Variants in FOXP1 observed in about 807,000 individuals in gnomAD.
FOXP1 encodes the protein forkhead box P1, also known as forkhead box protein P1.
FOXP1 carries 15 observed loss-of-function variants against 98.2 expected under a neutral mutation model. That is an observed-to-expected ratio of 0.15 (90% CI 0.10 to 0.24). The LOEUF (loss-of-function observed/expected upper bound fraction) is 0.24. Among genes scored for constraint, FOXP1 ranks in the 10% least tolerant of loss-of-function variants. The probability of loss-of-function intolerance (pLI) is 1.00; values close to 1 mark genes in which losing one functional copy is unlikely to be tolerated. For missense variants in FOXP1, 633 were observed against 848.5 expected (o/e 0.75, Z 3.15); for synonymous variants, 371 against 314.5 (o/e 1.18, Z -1.90).
At chr3:71,425,564 T>A (rs1211428899) in intron 3 of FOXP1, among the ~76,000 whole-genome samples, 1 of 152,084 alleles carries the variant, frequency 6.6e-6, no homozygotes, top group Non-Finnish European at 1.5e-5. Flanking sequence ...TCTCCTCAGC[T>A]CCTGGCAGAG....
At chr3:71,187,727 C>T (rs2062733455) in intron 6 of FOXP1, among the ~76,000 whole-genome samples, 1 of 152,086 alleles carries the variant, frequency 6.6e-6, no homozygotes, top group Admixed American at 6.5e-5. Context: ...AAAATACACA[C>T]TGTAAATGCA....
chr3:71,438,743 A>G (rs1230858880), intron 3 of FOXP1, among the ~76,000 whole-genome samples: 20 of 134,282 alleles, frequency 1.5e-4, no homozygotes, highest in South Asian at 4.4e-4. Context: ...TAATTTGGAG[A>G]AAAAAAAAAA....
intron 5 of FOXP1, among the ~76,000 whole-genome samples, chr3:71,228,966 T>C (rs1327401532): frequency 2.5e-5 from 1 of 39,252 alleles, no homozygotes; most frequent in Non-Finnish European, 4.6e-5. Context: ...TACTGTTGGT[T>C]GTTTTTTTTT....
At chr3:71,249,928 T>C (rs2068049642) in intron 5 of FOXP1, among the ~76,000 whole-genome samples, 2 of 152,204 alleles carry the variant, frequency 1.3e-5, no homozygotes, top group South Asian at 4.1e-4. Flanking sequence ...AACAAGTCTT[T>C]TCTGAACGTA....
At chr3:71,346,845 A>C (rs2077395737) in intron 4 of FOXP1, among the ~76,000 whole-genome samples, 1 of 152,158 alleles carries the variant, frequency 6.6e-6, no homozygotes, top group Admixed American at 6.5e-5. Context: ...AGAGATAGAG[A>C]CTATCCTGGC....
At chr3:71,050,865 G>C (rs2049792800) in intron 9 of FOXP1, among the ~76,000 whole-genome samples, 1 of 152,206 alleles carries the variant, frequency 6.6e-6, no homozygotes, top group African/African-American at 2.4e-5. Flanking sequence ...ATTAATTAGA[G>C]AGTTGTGACT....
intron 7 of FOXP1, among the ~76,000 whole-genome samples, chr3:71,089,974 AT>A (rs1180907395): frequency 6.6e-6 from 1 of 152,070 alleles, no homozygotes; most frequent in South Asian, 2.1e-4. Context: ...TGAACTTCTG[AT>A]TTTTTTCTTT....
intron 4 of FOXP1, among the ~76,000 whole-genome samples, chr3:71,352,568 T>A (rs2077869753): frequency 6.7e-6 from 1 of 149,562 alleles, no homozygotes; most frequent in African/African-American, 2.5e-5. Context: ...GGGCTCTGGG[T>A]GAGTCATTTA....
chr3:71,375,228 GGTAAA>G (rs2079629210), intron 3 of FOXP1, among the ~76,000 whole-genome samples: 1 of 152,130 alleles, frequency 6.6e-6, no homozygotes, highest in African/African-American at 2.4e-5. Context: ...ATATCTATAT[GGTAAA>G]GTAGAGAACT....
intron 5 of FOXP1, among the ~76,000 whole-genome samples, chr3:71,286,079 C>T (rs1252384342): frequency 6.6e-6 from 1 of 152,168 alleles, no homozygotes; most frequent in Non-Finnish European, 1.5e-5. Context: ...AACCGTATGT[C>T]CCAGCACTGT....
intron 6 of FOXP1, among the ~76,000 whole-genome samples, chr3:71,154,793 C>T (rs2060740629): frequency 6.6e-6 from 1 of 152,184 alleles, no homozygotes; most frequent in African/African-American, 2.4e-5. Flanking sequence ...CCTGGTTCCC[C>T]ATGGCTCTCA....
At position 70,957,924 on chromosome 3, in the gene FOXP1, C is replaced by G. The variant is rs997024410; in HGVS notation, c.*1323G>C. The G allele has an allele frequency of 8.3e-6, 2 of 239,872 alleles. No homozygotes were observed. Among genetic ancestry groups the G allele is most frequent in the Admixed American group, 5.4e-5 (1 of 18,476 alleles). 14.9% of individuals were successfully genotyped at this position (239,872 alleles called of 1,614,324 possible). A position where few individuals can be genotyped will look rare whatever the true frequency, so the allele number is the denominator to read the frequency against. ...TTTAATGCCACCAAGTAGGTCTGAA[C>G]TAATGTATAAACTCAGCGCCGCCGC... On this transcript the variant is annotated 3_prime_UTR_variant, in exon 21 of 21. Coordinates refer to ENST00000649528, the MANE Select transcript of FOXP1 (RefSeq NM_001349338.3).
intron 3 of FOXP1, among the ~76,000 whole-genome samples, chr3:71,398,105 C>T (rs977354692): frequency 6.6e-6 from 1 of 152,228 alleles, no homozygotes; most frequent in South Asian, 2.1e-4. Context: ...CCACTCATAG[C>T]TTCTAACACT....
intron 7 of FOXP1, among the ~76,000 whole-genome samples, chr3:71,107,729 T>C (rs1031131260): frequency 1.3e-5 from 2 of 152,216 alleles, no homozygotes; most frequent in Non-Finnish European, 2.9e-5. Context: ...CATAAAGTTG[T>C]AGTTTCCTTT....
At chr3:71,582,501 G>A in intron 1 of FOXP1, 1 of 985,478 alleles carries the variant, frequency 1.0e-6, no homozygotes, top group Non-Finnish European at 1.2e-6. Context: ...GCGCAAGCGA[G>A]GGACGGAGAG....
At chr3:71,232,688 C>T (rs2066391761) in intron 5 of FOXP1, among the ~76,000 whole-genome samples, 1 of 151,660 alleles carries the variant, frequency 6.6e-6, no homozygotes, top group Non-Finnish European at 1.5e-5. Context: ...CCCTTGAGTT[C>T]AGGAGTTCGA....
At chr3:71,353,681 T>C (rs1401863718) in intron 4 of FOXP1, among the ~76,000 whole-genome samples, 2 of 152,200 alleles carry the variant, frequency 1.3e-5, no homozygotes, top group Non-Finnish European at 2.9e-5. Context: ...AGTTACTCCA[T>C]AAGTCGTGTA....
Position 71,002,822 on chromosome 3 carries a change from C to A in FOXP1, c.975-1763G>T, listed in dbSNP as rs186387328. Among the ~76,000 whole-genome samples, 246 of 152,224 alleles carry A rather than the reference C, an allele frequency of 1.6e-3. 3 individuals carry two copies. Among genetic ancestry groups the A allele is most frequent in the Middle Eastern group, 0.014 (4 of 294 alleles). On this transcript the variant is annotated intron_variant, in intron 12 of 20. Coordinates refer to ENST00000649528, the MANE Select transcript of FOXP1 (RefSeq NM_001349338.3). The stretch of plus-strand genomic sequence containing the variant: ...CTCAAACCACGTGGGTAATCAGTGC[C>A]CCAACCCTTGCAATTAGTCTCTTGT...
intron 3 of FOXP1, among the ~76,000 whole-genome samples, chr3:71,408,875 C>G (rs1048778586): frequency 6.6e-6 from 1 of 152,160 alleles, no homozygotes; most frequent in African/African-American, 2.4e-5. Context: ...ATCTTAGAGG[C>G]AGAATCGATG....
Sources: allele counts gnomAD v4.1 joint callset (sites outside exome capture counted in the v4.1 genomes callset), GRCh38; gene constraint gnomAD v4.1.1; transcripts MANE v1.5; gene names NCBI Gene and HGNC (gene_info 2026-07-23, HGNC 2026-07-21).